The following PTPRK variants were observed in gnomAD, a reference collection of about 807,000 sequenced individuals.
PTPRK encodes receptor-type tyrosine-protein phosphatase kappa.
Under a neutral mutation model 178.0 loss-of-function variants are expected in PTPRK, and 75 were observed. The observed-to-expected ratio is 0.42, with a 90% CI of 0.35 to 0.51. PTPRK has a LOEUF of 0.51. Ranked by LOEUF, PTPRK falls within the 20% of genes least tolerant of loss-of-function variation. PTPRK has a pLI of 0.02. For synonymous variants in PTPRK, 637 were observed against 620.6 expected, an observed-to-expected ratio of 1.03 and a Z score of -0.39; for missense variants, 1,441 against 1,797.8, an observed-to-expected ratio of 0.80 and a Z score of 3.59.
chr6:128,405,802 A>G lies in PTPRK; in HGVS notation c.101-8114T>C, dbSNP rs557119893. On this transcript the variant is annotated intron_variant, in intron 1 of 29. Coordinates refer to ENST00000368226, the MANE Select transcript of PTPRK (RefSeq NM_002844.4). ...ACGTAAAACAGAATTCCGTGACCCA[A>G]CCTCCTAGAGGAAGGGCAAAGACCT... Among the ~76,000 whole-genome samples the G allele has an allele frequency of 5.3e-5, 8 of 151,900 alleles. No individual in the cohort carries two copies. The East Asian group carries it at 9.7e-4, about 19-fold the overall frequency.
intron 13 of PTPRK, among the ~76,000 whole-genome samples, chr6:128,054,381 T>C (rs1779555394): frequency 6.6e-6 from 1 of 152,230 alleles, no homozygotes; most frequent in African/African-American, 2.4e-5. Flanking sequence ...CAATGAATTA[T>C]AAGTATGTAT....
chr6:128,157,008 C>T (rs1365516806), intron 7 of PTPRK, among the ~76,000 whole-genome samples: 1 of 151,926 alleles, frequency 6.6e-6, no homozygotes, highest in East Asian at 1.9e-4. Flanking sequence ...CGTAAGAATG[C>T]AAATGAATTA....
intron 2 of PTPRK, among the ~76,000 whole-genome samples, chr6:128,333,104 T>C (rs1346655801): frequency 2.6e-5 from 4 of 152,214 alleles, no homozygotes; most frequent in Non-Finnish European, 5.9e-5. Flanking sequence ...CTTTGTCCTG[T>C]GGCCAATTTT....
chr6:128,112,499 T>C lies in PTPRK; in HGVS notation c.1163-22507A>G, dbSNP rs148998130. Among the ~76,000 whole-genome samples the C allele has an allele frequency of 3.9e-3, 588 of 152,204 alleles. 6 individuals carry two copies. The highest frequency in any genetic ancestry group is 0.014 in the African/African-American group (569 of 41,572). On this transcript the variant is annotated intron_variant, in intron 7 of 29. Transcript: ENST00000368226. ...TTTAGTAAATTACAATGAATTCTTA[T>C]TTGCTCAGCAAAGGGAAAACACTTA... is the stretch of plus-strand genomic sequence containing the variant.
At chr6:128,264,320 G>C (rs1818626306) in intron 3 of PTPRK, among the ~76,000 whole-genome samples, 1 of 152,104 alleles carries the variant, frequency 6.6e-6, no homozygotes, top group Admixed American at 6.5e-5. Context: ...ATTGATATCA[G>C]ATACACAGTA....
At chr6:128,074,823 T>C (rs188578088) in intron 11 of PTPRK, among the ~76,000 whole-genome samples, 3 of 152,186 alleles carry the variant, frequency 2.0e-5, no homozygotes, top group Admixed American at 6.6e-5. Context: ...GATTTTTCAC[T>C]GTGGTCATTA....
intron 15 of PTPRK, among the ~76,000 whole-genome samples, chr6:128,002,795 G>A (rs79204747): frequency 0.024 from 3,665 of 151,876 alleles, 73 homozygotes; most frequent in South Asian, 0.071. Flanking sequence ...TTGTTCTTTC[G>A]TGGTTATAAA....
At chr6:128,472,506 C>T (rs565384420) in intron 1 of PTPRK, among the ~76,000 whole-genome samples, 5 of 146,110 alleles carry the variant, frequency 3.4e-5, no homozygotes, top group South Asian at 2.3e-4. Flanking sequence ...AGAAAAGTTG[C>T]GAGACTAACA....
chr6:128,332,695 C>T (rs1830434839), intron 2 of PTPRK, among the ~76,000 whole-genome samples: 1 of 152,114 alleles, frequency 6.6e-6, no homozygotes, highest in Admixed American at 6.5e-5. Context: ...CCTTCATAAC[C>T]TTTCTTAACC....
chr6:127,976,950 C>G lies in PTPRK; in HGVS notation c.3816G>C (p.Val1272=). Residue 1272 remains valine, a synonymous_variant, in exon 26 of 30, where the codon GTG becomes GTC. Transcript: ENST00000368226. Reference sequence around the variant, plus strand: ...GGGACAAGTCGACTTCGTTTAACATCACAATGGAGGTACAGCCATAATCAT... The same window carrying G: ...GGGACAAGTCGACTTCGTTTAACATGACAATGGAGGTACAGCCATAATCAT... ...LVYDYGCTSI[V]MLNEVDLSQG... The G allele has an allele frequency of 5.6e-6, 9 of 1,614,106 alleles. No homozygotes were observed. The highest frequency in any genetic ancestry group is 7.6e-6 in the Non-Finnish European group (9 of 1,179,992).
chr6:128,220,165 A>G (rs565983752), intron 5 of PTPRK, among the ~76,000 whole-genome samples: 1 of 152,350 alleles, frequency 6.6e-6, no homozygotes, highest in East Asian at 1.9e-4. Flanking sequence ...TCATATATAA[A>G]GGGGAAAAAA....
intron 6 of PTPRK, among the ~76,000 whole-genome samples, chr6:128,215,406 T>A (rs149014471): frequency 1.8e-3 from 280 of 152,310 alleles, no homozygotes; most frequent in Non-Finnish European, 2.7e-3. Context: ...GACTTGTATT[T>A]CAAATTTTTT....
chr6:128,212,144 A>C (rs915661279), intron 6 of PTPRK, among the ~76,000 whole-genome samples: 1 of 152,054 alleles, frequency 6.6e-6, no homozygotes, highest in African/African-American at 2.4e-5. Flanking sequence ...TCAAAACCTA[A>C]GTCAAAATTC....
At chr6:128,435,739 A>G (rs1845506928) in intron 1 of PTPRK, among the ~76,000 whole-genome samples, 2 of 152,210 alleles carry the variant, frequency 1.3e-5, no homozygotes, top group Admixed American at 6.5e-5. Flanking sequence ...CAGGAGAGCA[A>G]GGCATGACTG....
rs1163425454 is a variant in PTPRK at position 128,519,961 on chromosome 6, T to C, written c.100+298A>G. Among the ~76,000 whole-genome samples, 2 of 152,030 alleles carry C rather than the reference T, an allele frequency of 1.3e-5. No individual in the cohort carries two copies. The highest frequency in any genetic ancestry group is 4.8e-5 in the African/African-American group (2 of 41,402). ...GGGAGTCGTAACTACTTTTTCTTTCTCTCTTCCCCACTAGCCCGGCGCAGG... is the reference window on the plus strand; with the variant it reads ...GGGAGTCGTAACTACTTTTTCTTTCCCTCTTCCCCACTAGCCCGGCGCAGG... On this transcript the variant is annotated intron_variant, in intron 1 of 29. Transcript: ENST00000368226. The surrounding 1 kb of genome is among the most constrained non-coding windows in gnomAD (Gnocchi z 4.3).
At chr6:128,451,597 T>C (rs2128406601) in intron 1 of PTPRK, among the ~76,000 whole-genome samples, 1 of 151,908 alleles carries the variant, frequency 6.6e-6, no homozygotes, top group South Asian at 2.1e-4. Context: ...ATTTGCAAAA[T>C]ATGTTAAAAA....
chr6:127,990,127 A>T (rs765754686), intron 21 of PTPRK, among the ~76,000 whole-genome samples: 1 of 152,140 alleles, frequency 6.6e-6, no homozygotes, highest in African/African-American at 2.4e-5. Flanking sequence ...GCCTAACTCA[A>T]TTTTAGTATG....
chr6:128,449,941 CAAA>C (rs5879890), intron 1 of PTPRK, among the ~76,000 whole-genome samples: 41 of 128,290 alleles, frequency 3.2e-4, no homozygotes, highest in Non-Finnish European at 3.1e-4. Flanking sequence ...ACTAAAAATG[CAAA>C]AAAAAAAAAA....
At chr6:128,046,395 T>C (rs901267316) in intron 13 of PTPRK, among the ~76,000 whole-genome samples, 11 of 152,096 alleles carry the variant, frequency 7.2e-5, no homozygotes, top group African/African-American at 2.7e-4. Flanking sequence ...TTCTGCTCAC[T>C]GATTACAAGT....
Sources: allele counts gnomAD v4.1 joint callset (sites outside exome capture counted in the v4.1 genomes callset), GRCh38; gene constraint gnomAD v4.1.1; non-coding constraint Gnocchi (gnomAD v3.1); transcripts MANE v1.5; gene names NCBI Gene and HGNC (gene_info 2026-07-23, HGNC 2026-07-21).